The following APLF variants were observed in gnomAD, a reference collection of about 807,000 sequenced individuals.
APLF encodes the protein aprataxin and PNKP like factor, also known as aprataxin and PNK-like factor.
APLF carries 61 observed loss-of-function variants against 55.6 expected under a neutral mutation model. The observed-to-expected ratio is 1.10, with a 90% CI of 0.89 to 1.36. The LOEUF (loss-of-function observed/expected upper bound fraction) is 1.36. Among genes scored for constraint, APLF ranks in the 40% most tolerant of loss-of-function variants. The pLI, the probability that APLF is intolerant of heterozygous loss-of-function variation, is 0.00. For missense variants in APLF, 611 were observed against 602.5 expected (o/e 1.01, Z -0.15); for synonymous variants, 207 against 214.8 (o/e 0.96, Z 0.32).
At chr2:68,557,677 T>G (rs112766289) in intron 8 of APLF, among the ~76,000 whole-genome samples, 11,697 of 152,120 alleles carry the variant, frequency 0.077, 1,309 homozygotes, top group African/African-American at 0.24. Flanking sequence ...TGTGGGAGGC[T>G]GAGGTGGGTG....
chr2:68,483,371 A>G (rs79639954), intron 1 of APLF, among the ~76,000 whole-genome samples: 1 of 152,178 alleles, frequency 6.6e-6, no homozygotes, highest in African/African-American at 2.4e-5. Context: ...GCTCCCAGCC[A>G]GTCTCACTGG....
chr2:68,509,267 C>T (rs962975703), intron 3 of APLF, among the ~76,000 whole-genome samples: 1 of 152,022 alleles, frequency 6.6e-6, no homozygotes, highest in Non-Finnish European at 1.5e-5. Flanking sequence ...AAGAAACTAC[C>T]ATCAGAGTGA....
chr2:68,474,740 C>T lies in APLF; in HGVS notation c.96+6913C>T, dbSNP rs150968181. ...CTGGAGTTCAATGGTGCGATCTTGG[C>T]TCACCACAACCTCTGCCTTCTGGGT... On this transcript the variant is annotated intron_variant, in intron 1 of 9. Transcript: ENST00000303795. 4.3e-3 allele frequency among the ~76,000 whole-genome samples: 650 copies of T among 152,252 alleles called. 3 individuals are homozygous for T. The highest frequency in any genetic ancestry group is 0.015 in the African/African-American group (619 of 41,538).
chr2:68,515,773 CT>C (rs1200946265), intron 5 of APLF: 2 of 966,592 alleles, frequency 2.1e-6, no homozygotes, highest in Non-Finnish European at 2.5e-6. Context: ...GGGAGAAGTA[CT>C]TTATAAGAAC....
rs770143067 is a variant in APLF at position 68,578,365 on chromosome 2, A to G, written c.*343A>G. ...CTTTGGTCTTTTTAAATTTTTTTCC[A>G]AAGATTATGGAGTACTCTGCAAGTA... is the stretch of plus-strand genomic sequence containing the variant. On this transcript the variant is annotated 3_prime_UTR_variant, in exon 10 of 10. Coordinates refer to ENST00000303795, the MANE Select transcript of APLF (RefSeq NM_173545.3). 1.3e-4 allele frequency: 133 copies of G among 1,032,524 alleles called. No individual in the cohort carries two copies. Among genetic ancestry groups the G allele is most frequent in the Non-Finnish European group, 1.5e-4 (126 of 858,744 alleles). The allele number at this position is 1,032,524 out of a possible 1,614,324, so 64.0% of individuals were successfully genotyped here.
At chr2:68,470,148 TAGA>T (rs1163419056) in intron 1 of APLF, among the ~76,000 whole-genome samples, 1 of 152,228 alleles carries the variant, frequency 6.6e-6, no homozygotes, top group Admixed American at 6.5e-5. Flanking sequence ...TGGCATCAGT[TAGA>T]AGGTTTTACA....
intron 2 of APLF, among the ~76,000 whole-genome samples, chr2:68,502,118 C>G (rs973308566): frequency 6.6e-6 from 1 of 152,166 alleles, no homozygotes; most frequent in Non-Finnish European, 1.5e-5. Flanking sequence ...TGAATCCACT[C>G]TTGTGATAAT....
intron 3 of APLF, among the ~76,000 whole-genome samples, chr2:68,508,493 A>G (rs573278055): frequency 1.3e-5 from 2 of 152,066 alleles, no homozygotes; most frequent in East Asian, 1.9e-4. Flanking sequence ...TATAAGCACT[A>G]AAACTACAAA....
intron 8 of APLF, among the ~76,000 whole-genome samples, chr2:68,550,078 G>C (rs1670813794): frequency 6.6e-6 from 1 of 152,230 alleles, no homozygotes; most frequent in Middle Eastern, 3.4e-3. Context: ...AGGTTATGTG[G>C]TTAGTGTTTG....
At chr2:68,543,362 A>G (rs1432159491) in intron 7 of APLF, among the ~76,000 whole-genome samples, 1 of 152,200 alleles carries the variant, frequency 6.6e-6, no homozygotes, top group African/African-American at 2.4e-5. Context: ...GTTTAAAAAA[A>G]GCAGTAGGCC....
intron 8 of APLF, among the ~76,000 whole-genome samples, chr2:68,565,546 CATACATACATAG>C (rs1327020445): frequency 3.3e-5 from 5 of 151,878 alleles, no homozygotes; most frequent in African/African-American, 4.8e-5. Flanking sequence ...TACATACATA[CATACATACATAG>C]ATAAAAGAAG....
At chr2:68,554,192 G>GA (rs1308304799) in intron 8 of APLF, among the ~76,000 whole-genome samples, 1 of 151,606 alleles carries the variant, frequency 6.6e-6, no homozygotes, top group Non-Finnish European at 1.5e-5. Context: ...AGTAAAATGA[G>GA]AAAAAAATAG....
At chr2:68,482,656 T>C (rs182710036) in intron 1 of APLF, among the ~76,000 whole-genome samples, 33 of 152,260 alleles carry the variant, frequency 2.2e-4, no homozygotes, top group Admixed American at 8.5e-4. Flanking sequence ...TCTGGCTTAC[T>C]GAGGAAAGAG....
At chr2:68,519,058 A>C (rs1444785917) in intron 5 of APLF, among the ~76,000 whole-genome samples, 1 of 127,394 alleles carries the variant, frequency 7.8e-6, no homozygotes, top group Non-Finnish European at 1.6e-5. Flanking sequence ...ATAATATATA[A>C]TTAATATATA....
intron 8 of APLF, among the ~76,000 whole-genome samples, chr2:68,560,668 C>T (rs557040312): frequency 6.6e-6 from 1 of 152,036 alleles, no homozygotes; most frequent in Admixed American, 6.6e-5. Context: ...GTTTAGATCT[C>T]AAACTGTTAA....
intron 9 of APLF, among the ~76,000 whole-genome samples, chr2:68,571,654 C>G (rs1410181749): frequency 6.6e-6 from 1 of 152,074 alleles, no homozygotes; most frequent in Non-Finnish European, 1.5e-5. Flanking sequence ...TGATGTATAT[C>G]TCTGTTTTGG....
At chr2:68,496,097 T>A (rs547853741) in intron 2 of APLF, among the ~76,000 whole-genome samples, 1 of 152,258 alleles carries the variant, frequency 6.6e-6, no homozygotes, top group South Asian at 2.1e-4. Context: ...CTTGTTTTTT[T>A]GTTTGTTTGT....
At chr2:68,518,313 TTAA>T (rs1183253047) in intron 5 of APLF, among the ~76,000 whole-genome samples, 2 of 113,484 alleles carry the variant, frequency 1.8e-5, no homozygotes, top group Admixed American at 1.1e-4. Flanking sequence ...TATATATTAT[TTAA>T]TAATATATAA....
At chr2:68,568,346 A>C in intron 9 of APLF, 1 of 976,358 alleles carries the variant, frequency 1.0e-6, no homozygotes, top group Non-Finnish European at 1.2e-6. Context: ...CTGACTTGTA[A>C]TCAAGTAAGT....
Sources: allele counts gnomAD v4.1 joint callset (sites outside exome capture counted in the v4.1 genomes callset), GRCh38; gene constraint gnomAD v4.1.1; transcripts MANE v1.5; gene names NCBI Gene and HGNC (gene_info 2026-07-23, HGNC 2026-07-21).